The following MINDY2 variants were observed in gnomAD, a reference collection of about 807,000 sequenced individuals.
The protein encoded by MINDY2 is MINDY lysine 48 deubiquitinase 2, also known as ubiquitin carboxyl-terminal hydrolase MINDY-2.
MINDY2 carries 52 observed loss-of-function variants against 68.2 expected under a neutral mutation model. The ratio of observed to expected loss-of-function variants is 0.76; its 90% confidence interval spans 0.61 to 0.96. The LOEUF is 0.96. MINDY2 is among the 40% of genes least tolerant of loss of function. The pLI, the probability that MINDY2 is intolerant of heterozygous loss-of-function variation, is 0.00. For missense variants in MINDY2, 881 were observed against 773.4 expected (o/e 1.14, Z -1.65); for synonymous variants, 372 against 303.0 (o/e 1.23, Z -2.36).
At chr15:58,846,528 G>C (rs1333680424) in intron 6 of MINDY2, among the ~76,000 whole-genome samples, 1 of 151,160 alleles carries the variant, frequency 6.6e-6, no homozygotes, top group Non-Finnish European at 1.5e-5. Flanking sequence ...AGGAGGCGGA[G>C]GTTGCAGTGA....
chr15:58,825,274 A>G (rs1028286167), intron 5 of MINDY2, among the ~76,000 whole-genome samples: 1 of 152,220 alleles, frequency 6.6e-6, no homozygotes, highest in Admixed American at 6.5e-5. Flanking sequence ...CTTCTTTTAG[A>G]TAACATTTGC....
rs573540202 is a variant in MINDY2 at position 58,860,161 on chromosome 15, A to G, written c.*5551A>G. The stretch of plus-strand genomic sequence containing the variant: ...ATCCAGTTTTAATCTGCACTGTAAT[A>G]TCCTGCTTTGAGAAGAAAGAATGCC... On this transcript the variant is annotated 3_prime_UTR_variant, in exon 9 of 9. Coordinates refer to ENST00000559228, the MANE Select transcript of MINDY2 (RefSeq NM_001040450.3). 6.6e-6 allele frequency: 1 copy of G among 152,370 alleles called. No individual in the cohort carries two copies. The highest frequency in any genetic ancestry group is 2.1e-4 in the South Asian group (1 of 4,820). 9.4% of individuals were successfully genotyped at this position (152,370 alleles called of 1,614,324 possible). A position where few individuals can be genotyped will look rare whatever the true frequency, so the allele number is the denominator to read the frequency against.
intron 1 of MINDY2, among the ~76,000 whole-genome samples, chr15:58,779,044 G>A (rs1900964553): frequency 6.7e-6 from 1 of 149,728 alleles, no homozygotes; most frequent in African/African-American, 2.5e-5. Flanking sequence ...TTACAGGCGT[G>A]AGCCACTGTG....
At position 58,784,303 on chromosome 15, in the gene MINDY2, A is replaced by G. The variant is rs1485882579; in HGVS notation, c.841-3603A>G. Among the ~76,000 whole-genome samples the G allele has an allele frequency of 3.3e-5, 5 of 152,224 alleles. No homozygotes were observed. In the East Asian group the frequency reaches 9.7e-4, roughly 29 times the overall value. On this transcript the variant is annotated intron_variant, in intron 1 of 8. Transcript: ENST00000559228. ...ATCCTGCCACTGCGATCCAGCCTGG[A>G]GGACAGTGAGAACATGATGTCTTAA...
At position 58,789,165 on chromosome 15, in the gene MINDY2, G is replaced by A. The variant is rs561947117; in HGVS notation, c.898+1202G>A. Among the ~76,000 whole-genome samples the A allele has an allele frequency of 4.8e-4, 73 of 152,210 alleles. No individual in the cohort carries two copies. The South Asian group carries it at 5.4e-3, about 11-fold the overall frequency. ...ATCCTGGCTAACACGGTGAAACTCC[G>A]TCTCGACTAAAAAATACAAAAAATT... On this transcript the variant is annotated intron_variant, in intron 2 of 8. Coordinates refer to ENST00000559228, the MANE Select transcript of MINDY2 (RefSeq NM_001040450.3).
chr15:58,806,895 A>G (rs1171138611), intron 3 of MINDY2, among the ~76,000 whole-genome samples: 3 of 152,198 alleles, frequency 2.0e-5, no homozygotes, highest in Non-Finnish European at 4.4e-5. Flanking sequence ...TTTGGGGGGA[A>G]CAGTAGAAGA....
intron 6 of MINDY2, among the ~76,000 whole-genome samples, chr15:58,845,546 A>G (rs2032488102): frequency 6.6e-6 from 1 of 152,204 alleles, no homozygotes; most frequent in South Asian, 2.1e-4. Context: ...ACAGACAATA[A>G]CAAATGTTGG....
chr15:58,778,817 T>TC (rs1260725270), intron 1 of MINDY2, among the ~76,000 whole-genome samples: 8 of 146,374 alleles, frequency 5.5e-5, no homozygotes, highest in Middle Eastern at 3.5e-3. Context: ...TTTCTTTTTT[T>TC]TTTTTTTTTT....
intron 6 of MINDY2, among the ~76,000 whole-genome samples, chr15:58,838,275 G>A (rs766089393): frequency 9.2e-5 from 14 of 151,796 alleles, no homozygotes; most frequent in East Asian, 3.9e-4. Flanking sequence ...GTGTGTGCCC[G>A]TAATGCCAGC....
At chr15:58,787,140 CT>C (rs58374538) in intron 1 of MINDY2, among the ~76,000 whole-genome samples, 8 of 78,148 alleles carry the variant, frequency 1.0e-4, no homozygotes, top group South Asian at 4.6e-4. Context: ...CATTTCTTTA[CT>C]TTTTTTTTTT....
intron 1 of MINDY2, among the ~76,000 whole-genome samples, chr15:58,785,426 T>G (rs997727424): frequency 2.0e-5 from 3 of 152,150 alleles, no homozygotes; most frequent in Admixed American, 6.5e-5. Flanking sequence ...TAGTAAATAC[T>G]AATATTTTAG....
Position 58,777,422 on chromosome 15 carries a change from G to A in MINDY2, c.840+5187G>A, listed in dbSNP as rs548632531. 3.9e-5 allele frequency among the ~76,000 whole-genome samples: 6 copies of A among 152,212 alleles called. No individual in the cohort carries two copies. The East Asian group carries it at 1.2e-3, about 29-fold the overall frequency. ...CAGTAAAAATGATCAAACAGAGTAA[G>A]GACTGAGTTGAAAGTATTGGTTCAG... On this transcript the variant is annotated intron_variant, in intron 1 of 8. Coordinates refer to ENST00000559228, the MANE Select transcript of MINDY2 (RefSeq NM_001040450.3).
chr15:58,787,140 CTTTTTTTTTT>C (rs58374538), intron 1 of MINDY2, among the ~76,000 whole-genome samples: 1 of 78,150 alleles, frequency 1.3e-5, no homozygotes, highest in Non-Finnish European at 2.2e-5. Flanking sequence ...CATTTCTTTA[CTTTTTTTTTT>C]TTTTTTTTTT....
chr15:58,816,651 G>A (rs1165496731), intron 4 of MINDY2, among the ~76,000 whole-genome samples: 3 of 151,698 alleles, frequency 2.0e-5, no homozygotes, highest in Non-Finnish European at 4.4e-5. Context: ...TCACTATACA[G>A]ATAGAACTAG....
At chr15:58,826,543 T>C (rs557198384) in intron 5 of MINDY2, among the ~76,000 whole-genome samples, 4 of 152,258 alleles carry the variant, frequency 2.6e-5, no homozygotes, top group South Asian at 2.1e-4. Context: ...ACACTCTTTT[T>C]CCCTAAATCT....
rs772723798 is a variant in MINDY2 at position 58,802,321 on chromosome 15, A to G, written c.907A>G (p.Met303Val). Residue 303 changes from methionine to valine, a missense_variant, in exon 3 of 9, where the codon ATG (methionine) becomes GTG (valine). Transcript: ENST00000559228. ...TTTTTTTTTTTTTACAGGAGATTAC[A>G]TGCTTGATGCAAAGCCAAAAGAAAT... ...EQLMEYLGDY[M>V]LDAKPKEISE... is the part of the protein sequence containing the mutation. The G allele has an allele frequency of 2.5e-6, 4 of 1,581,688 alleles. No homozygotes were observed. Among genetic ancestry groups the G allele is most frequent in the Non-Finnish European group, 1.7e-6 (2 of 1,166,408 alleles).
intron 6 of MINDY2, among the ~76,000 whole-genome samples, chr15:58,840,682 A>AGTCTTTCTC: frequency 6.8e-6 from 1 of 147,530 alleles, no homozygotes; most frequent in Admixed American, 6.8e-5. Context: ...TTTGAGATGG[A>AGTCTTTCTC]GTCTTTCTCT....
At chr15:58,776,214 A>G (rs1160003943) in intron 1 of MINDY2, among the ~76,000 whole-genome samples, 1 of 152,190 alleles carries the variant, frequency 6.6e-6, no homozygotes, top group Non-Finnish European at 1.5e-5. Flanking sequence ...AATTCTCCAG[A>G]GAGTAGTGAG....
chr15:58,810,466 A>G (rs1325643483), intron 4 of MINDY2, 78 bp downstream of exon 4: 7 of 1,323,500 alleles, frequency 5.3e-6, no homozygotes, highest in African/African-American at 3.0e-5. Context: ...CTCAATTTAT[A>G]TTTTTTGTTA....
Sources: gnomAD v4.1 joint callset for allele counts (sites outside exome capture counted in the v4.1 genomes callset) on GRCh38, gnomAD v4.1.1 for gene constraint, MANE v1.5 for transcripts, NCBI Gene and HGNC (gene_info 2026-07-23, HGNC 2026-07-21) for gene names.